The following POLR2C variants were observed in gnomAD, a reference collection of about 807,000 sequenced individuals.
POLR2C encodes the protein RNA polymerase II subunit C.
POLR2C carries 36 observed loss-of-function variants against 41.7 expected under a neutral mutation model. The ratio of observed to expected loss-of-function variants is 0.86; its 90% CI spans 0.66 to 1.14. The LOEUF (loss-of-function observed/expected upper bound fraction) is 1.14, where lower values mean the gene tolerates loss of function less well. Among genes scored for constraint, POLR2C ranks in the 50% most tolerant of loss-of-function variants. The probability of loss-of-function intolerance (pLI) is 0.00; values close to 1 mark genes in which losing one functional copy is unlikely to be tolerated. For missense variants in POLR2C, 260 were observed against 350.4 expected (o/e 0.74, Z 2.06); for synonymous variants, 133 against 137.8 (o/e 0.96, Z 0.25).
In POLR2C at chr16:57,469,903, A is replaced by C. The variant is rs2030786930; in HGVS notation, c.440-58A>C. 1 of 1,599,438 alleles carries C rather than the reference A, an allele frequency of 6.3e-7. No homozygotes were observed. Among genetic ancestry groups the C allele is most frequent in the African/African-American group, 1.3e-5 (1 of 74,564 alleles). ...TGGTCTTGCAGTGGCACTCCAAGTC[A>C]GAATTTGGAGAAGCATGTCTCTCCT... On this transcript the variant is annotated intron_variant, in intron 6 of 8. Transcript: ENST00000219252. The surrounding 1 kb of genome is among the most constrained non-coding windows in gnomAD (Gnocchi z 5.8).
intron 4 of POLR2C, among the ~76,000 whole-genome samples, chr16:57,467,121 T>C (rs1157614724): frequency 6.6e-6 from 1 of 152,092 alleles, no homozygotes; most frequent in Non-Finnish European, 1.5e-5. Flanking sequence ...TAGTCCCAGC[T>C]ACTCGGGAGG....
chr16:57,463,056 C>A lies in POLR2C; in HGVS notation c.114C>A (p.Phe38Leu). ...TGGCCAATTCGATTCGGAGGGTCTTCATCGCTGAGGTTCCCATAATAGGTA... is the reference window on the plus strand; with the variant it reads ...TGGCCAATTCGATTCGGAGGGTCTTAATCGCTGAGGTTCCCATAATAGGTA... ...LAVANSIRRV[F>L]IAEVPIIAID... is the part of the protein sequence containing the mutation. Residue 38 changes from phenylalanine to leucine, a missense_variant, in exon 2 of 9, where the codon TTC becomes TTA. By Grantham distance (22) the Phe-to-Leu change is conservative. Coordinates refer to ENST00000219252, the MANE Select transcript of POLR2C (RefSeq NM_032940.3). 1.2e-6 allele frequency: 2 copies of A among 1,609,520 alleles called. No individual in the cohort carries two copies. The highest frequency in any genetic ancestry group is 1.7e-6 in the Non-Finnish European group (2 of 1,175,820).
At chr16:57,467,210 G>A (rs964153134) in intron 4 of POLR2C, among the ~76,000 whole-genome samples, 2 of 152,242 alleles carry the variant, frequency 1.3e-5, no homozygotes, top group Non-Finnish European at 2.9e-5. Context: ...TCCAGCCTGG[G>A]TGACAAAGTG....
At position 57,470,335 on chromosome 16, in the gene POLR2C, C is replaced by T; in HGVS notation, c.664C>T (p.Pro222Ser). 1.9e-6 allele frequency: 3 copies of T among 1,609,916 alleles called. No homozygotes were observed. Among genetic ancestry groups the T allele is most frequent in the Middle Eastern group, 1.7e-4 (1 of 6,058 alleles). ...GGATGAGTCGCAGGCTCCCTATGAC[C>T]CCAACGGCAAGCCAGAAAGGTAAGA... is the stretch of plus-strand genomic sequence containing the variant. The part of the protein sequence containing the change: ...DEDESQAPYD[P>S]NGKPERFYYN... The change falls in exon 8 of 9, where the codon CCC becomes TCC. Residue 222 changes from proline (P) to serine (S), a missense_variant. Coordinates refer to ENST00000219252, the MANE Select transcript of POLR2C (RefSeq NM_032940.3).
At chr16:57,466,991 T>C (rs567800305) in intron 4 of POLR2C, among the ~76,000 whole-genome samples, 1 of 152,334 alleles carries the variant, frequency 6.6e-6, no homozygotes, top group African/African-American at 2.4e-5. Context: ...CCCAGCACTT[T>C]GGGAGGCCGA....
In POLR2C at chr16:57,470,003, T is replaced by G. The variant is rs2030791444; in HGVS notation, c.482T>G (p.Leu161Arg). 1.9e-6 allele frequency: 3 copies of G among 1,613,988 alleles called. No homozygotes were observed. In the African/African-American group the frequency reaches 4.0e-5, roughly 22 times the overall value. The change falls in exon 7 of 9, where the codon CTT becomes CGT. Residue 161 changes from leucine (L) to arginine (R), a missense_variant. Transcript: ENST00000219252. The part of the protein sequence containing the change: ...VKLRKGQELR[L>R]RAYAKKGFGK... ...TTGAGAAAGGGCCAGGAGCTGAGACTTCGAGCCTATGCCAAAAAGGGCTTT... is the reference window on the plus strand; with the variant it reads ...TTGAGAAAGGGCCAGGAGCTGAGACGTCGAGCCTATGCCAAAAAGGGCTTT...
rs370553867 is a variant in POLR2C, at chr16:57,466,020, T to G, written c.204T>G (p.Leu68=). 5 of 1,580,214 alleles carry G rather than the reference T, an allele frequency of 3.2e-6. No homozygotes were observed. Among genetic ancestry groups the G allele is most frequent in the Non-Finnish European group, 4.4e-6 (5 of 1,149,318 alleles). The stretch of plus-strand genomic sequence containing the variant: ...ATGATGAATTCATTGCTCACAGGCT[T>G]GGTGAGTACTCCTTTTACTAGGAGG... ...VLHDEFIAHR[L]GLIPLISDDI... Residue 68 remains leucine, a splice_region_variant and synonymous_variant, in exon 3 of 9, where the codon CTT becomes CTG. Transcript: ENST00000219252.
chr16:57,463,696 C>T (rs1333105806), intron 2 of POLR2C: 3 of 451,320 alleles, frequency 6.6e-6, no homozygotes, highest in Non-Finnish European at 1.3e-5. Context: ...GTAATTCCAG[C>T]ACTTTGGGAG....
In POLR2C at chr16:57,463,125, C is replaced by G. The variant is rs531254557; in HGVS notation, c.136+47C>G. On this transcript the variant is annotated intron_variant, in intron 2 of 8. Transcript: ENST00000219252. ...TTCCCGCGCCCACGGGTTCCTGCCC[C>G]GCTCTCCACCCACACACTCTTTGGG... is the stretch of plus-strand genomic sequence containing the variant. 1.4e-5 allele frequency: 20 copies of G among 1,423,888 alleles called. No individual in the cohort carries two copies. In the South Asian group the frequency reaches 1.8e-4, roughly 13 times the overall value. The allele number at this position is 1,423,888 out of a possible 1,614,324, so 88.2% of individuals were successfully genotyped here.
chr16:57,469,643 A>G lies in POLR2C; in HGVS notation c.388-67A>G, dbSNP rs2030781371. ...CAGATTGCAGTCTAGAGGTGCTGGG[A>G]TATGGATGCCAGAGGAGGTGACTGG... On this transcript the variant is annotated intron_variant, in intron 5 of 8. Coordinates refer to ENST00000219252, the MANE Select transcript of POLR2C (RefSeq NM_032940.3). The surrounding 1 kb of genome is among the most constrained non-coding windows in gnomAD (Gnocchi z 5.8). 1.5e-6 allele frequency: 2 copies of G among 1,302,000 alleles called. No individual in the cohort carries two copies. The highest frequency in any genetic ancestry group is 1.1e-6 in the Non-Finnish European group (1 of 897,152). 80.7% of individuals were successfully genotyped at this position (1,302,000 alleles called of 1,614,324 possible). A position where few individuals can be genotyped will look rare whatever the true frequency, so the allele number is the denominator to read the frequency against.
In POLR2C at chr16:57,469,140, A is replaced by C. The variant is rs1307974772; in HGVS notation, c.259-25A>C. ...AGGAGTTGCCATCTCCCTTTGACTCATTCCTGCTTCCCTTCCTGCCTTAGG... is the reference window on the plus strand; with the variant it reads ...AGGAGTTGCCATCTCCCTTTGACTCCTTCCTGCTTCCCTTCCTGCCTTAGG... On this transcript the variant is annotated intron_variant, in intron 4 of 8. Coordinates refer to ENST00000219252, the MANE Select transcript of POLR2C (RefSeq NM_032940.3). The surrounding 1 kb of genome is among the most constrained non-coding windows in gnomAD (Gnocchi z 5.8). The C allele has an allele frequency of 6.2e-7, 1 of 1,604,474 alleles. No individual in the cohort carries two copies. Among genetic ancestry groups the C allele is most frequent in the Admixed American group, 1.7e-5 (1 of 59,738 alleles).
At chr16:57,465,870 T>A (rs1114156) in intron 2 of POLR2C, 83 bp from the exon 3 acceptor site, 49,001 of 871,560 alleles carry the variant, frequency 0.056, 1,622 homozygotes, top group African/African-American at 0.099. Context: ...TGTCAGGTGA[T>A]TCCTAAATCT....
At chr16:57,465,882 G>T in intron 2 of POLR2C, 71 bp from the exon 3 acceptor site, 1 of 953,784 alleles carries the variant, frequency 1.0e-6, no homozygotes. Context: ...CCTAAATCTT[G>T]AGAACCACTG....
intron 4 of POLR2C, among the ~76,000 whole-genome samples, chr16:57,466,840 G>A (rs1268628128): frequency 6.6e-6 from 1 of 152,118 alleles, no homozygotes; most frequent in Non-Finnish European, 1.5e-5. Flanking sequence ...GATGGCTTTG[G>A]GTGATCCAGA....
Position 57,470,053 on chromosome 16 carries a change from C to T in POLR2C, c.532C>T (p.Pro178Ser). ...GFGKEHAKWN[P>S]TAGVAFEYDP... Reference sequence around the variant, plus strand: ...TGGCAAGGAGCATGCCAAGTGGAACCCTACTGCAGGGGTGGCTTTTGAATA... The same window carrying T: ...TGGCAAGGAGCATGCCAAGTGGAACTCTACTGCAGGGGTGGCTTTTGAATA... Residue 178 changes from proline to serine, a missense_variant, in exon 7 of 9, where the codon CCT (proline) becomes TCT (serine). Coordinates refer to ENST00000219252, the MANE Select transcript of POLR2C (RefSeq NM_032940.3). 1 of 1,614,180 alleles carries T rather than the reference C, an allele frequency of 6.2e-7. No homozygotes were observed. The highest frequency in any genetic ancestry group is 1.1e-5 in the South Asian group (1 of 91,086).
chr16:57,469,663 G>T lies in POLR2C; in HGVS notation c.388-47G>T. 2.7e-6 allele frequency: 4 copies of T among 1,500,878 alleles called. No homozygotes were observed. The highest frequency in any genetic ancestry group is 3.7e-6 in the Non-Finnish European group (4 of 1,078,006). 93.0% of individuals were successfully genotyped at this position (1,500,878 alleles called of 1,614,324 possible). ...CTGGGATATGGATGCCAGAGGAGGT[G>T]ACTGGGGAGGTGAGCAGCTAATGAA... On this transcript the variant is annotated intron_variant, in intron 5 of 8. Coordinates refer to ENST00000219252, the MANE Select transcript of POLR2C (RefSeq NM_032940.3). This position sits in a 1 kb window ranked among gnomAD's most constrained non-coding sequence, Gnocchi z 5.8.
At position 57,467,190 on chromosome 16, in the gene POLR2C, G is replaced by A. The variant is rs956885740; in HGVS notation, c.258+963G>A. Among the ~76,000 whole-genome samples the A allele has an allele frequency of 2.6e-5, 4 of 152,216 alleles. No homozygotes were observed. The South Asian group carries it at 8.3e-4, about 32-fold the overall frequency. ...GGAGCTTGCAGTGAGCCGAGATTGC[G>A]CCACTGCACTCCAGCCTGGGTGACA... On this transcript the variant is annotated intron_variant, in intron 4 of 8. Transcript: ENST00000219252.
chr16:57,463,177 G>A lies in POLR2C; in HGVS notation c.136+99G>A, dbSNP rs551838410. On this transcript the variant is annotated intron_variant, in intron 2 of 8. Coordinates refer to ENST00000219252, the MANE Select transcript of POLR2C (RefSeq NM_032940.3). ...CTCCTTCCAGTCCTTGGTTCGGGCT[G>A]AGGGTGGTAGTGCTGAGAAAAGTGC... 6.1e-6 allele frequency: 6 copies of A among 987,342 alleles called. No homozygotes were observed. The South Asian group carries it at 7.9e-5, about 13-fold the overall frequency. 61.2% of individuals were successfully genotyped at this position (987,342 alleles called of 1,614,324 possible). A position where few individuals can be genotyped will look rare whatever the true frequency, so the allele number is the denominator to read the frequency against.
At chr16:57,463,582 C>A in intron 2 of POLR2C, 2 of 443,258 alleles carry the variant, frequency 4.5e-6, no homozygotes, top group South Asian at 1.6e-5. Context: ...TTATTGTCAT[C>A]TTTATGTCCG....
Sources: gnomAD v4.1 joint callset for allele counts (sites outside exome capture counted in the v4.1 genomes callset) on GRCh38, gnomAD v4.1.1 for gene constraint, Gnocchi (gnomAD v3.1) non-coding constraint, MANE v1.5 for transcripts, NCBI Gene and HGNC (gene_info 2026-07-23, HGNC 2026-07-21) for gene names.